The following RAB10 variants were observed in gnomAD, a reference collection of about 807,000 sequenced individuals.
RAB10 encodes the protein ras-related protein Rab-10.
In RAB10, 5 loss-of-function variants were observed where a neutral mutation model predicts 25.7. The ratio of observed to expected loss-of-function variants is 0.19; its 90% CI spans 0.10 to 0.41. The LOEUF is 0.41. Among genes scored for constraint, RAB10 ranks in the 10% least tolerant of loss-of-function variants. The pLI, the probability that RAB10 is intolerant of heterozygous loss-of-function variation, is 1.00. For missense variants in RAB10, 103 were observed against 245.8 expected (o/e 0.42, Z 3.89); for synonymous variants, 89 against 86.4 (o/e 1.03, Z -0.16).
Position 26,107,796 on chromosome 2 carries a change from C to CA in RAB10, c.189-1962dup, listed in dbSNP as rs573306485. 8.0e-3 allele frequency among the ~76,000 whole-genome samples: 1,070 copies of CA among 133,280 alleles called. 4 individuals are homozygous for CA. Among genetic ancestry groups the CA allele is most frequent in the Admixed American group, 0.012 (149 of 12,918 alleles). 87.4% of individuals were successfully genotyped at this position (133,280 alleles called of 152,430 possible). A position where few individuals can be genotyped will look rare whatever the true frequency, so the allele number is the denominator to read the frequency against. ...GGGCGGCAAGATCGAAACTCTATCTCAAAAAAAAAACCCCAAAAACAAAAA... is the reference window on the plus strand; with the variant it reads ...GGGCGGCAAGATCGAAACTCTATCTCAAAAAAAAAAACCCCAAAAACAAAAA... On this transcript the variant is annotated intron_variant, in intron 2 of 5. Transcript: ENST00000264710.
At chr2:26,110,852 T>C (rs1305938916) in intron 3 of RAB10, among the ~76,000 whole-genome samples, 6 of 121,708 alleles carry the variant, frequency 4.9e-5, no homozygotes, top group African/African-American at 1.8e-4. Context: ...ATTACAGGTG[T>C]GCACCACCAC....
chr2:26,104,703 C>T (rs908312171), intron 2 of RAB10, among the ~76,000 whole-genome samples: 2 of 150,170 alleles, frequency 1.3e-5, no homozygotes, highest in East Asian at 1.9e-4. Context: ...TATAGTTCAG[C>T]TGTTGGATTT....
At chr2:26,081,347 G>T (rs1193814776) in intron 1 of RAB10, among the ~76,000 whole-genome samples, 2 of 152,120 alleles carry the variant, frequency 1.3e-5, no homozygotes, top group Non-Finnish European at 2.9e-5. Flanking sequence ...CTTCATATCT[G>T]TGATGTTCTG....
At chr2:26,050,866 C>T (rs1338165963) in intron 1 of RAB10, among the ~76,000 whole-genome samples, 2 of 152,048 alleles carry the variant, frequency 1.3e-5, no homozygotes, top group Admixed American at 1.3e-4. Context: ...TTCAGCCTCC[C>T]AAAGTGCTGA....
intron 1 of RAB10, among the ~76,000 whole-genome samples, chr2:26,043,636 A>G (rs1358633714): frequency 6.6e-6 from 1 of 152,232 alleles, no homozygotes; most frequent in East Asian, 1.9e-4. Flanking sequence ...CGCCTTGAAA[A>G]TAGTTTACTA....
chr2:26,116,540 T>C (rs1667690563), intron 3 of RAB10, among the ~76,000 whole-genome samples: 1 of 143,648 alleles, frequency 7.0e-6, no homozygotes, highest in Non-Finnish European at 1.5e-5. Context: ...TCTTTCTTTC[T>C]GTCTTGTGTT....
chr2:26,054,081 T>C (rs532215981), intron 1 of RAB10, among the ~76,000 whole-genome samples: 5 of 141,936 alleles, frequency 3.5e-5, no homozygotes, highest in African/African-American at 1.1e-4. Flanking sequence ...GGAGTCTTGC[T>C]CTGTCGCCCA....
chr2:26,130,237 A>G (rs1327427241), intron 5 of RAB10, among the ~76,000 whole-genome samples: 1 of 152,204 alleles, frequency 6.6e-6, no homozygotes, highest in Non-Finnish European at 1.5e-5. Flanking sequence ...ATAAATCTAT[A>G]TTATTTATTG....
intron 1 of RAB10, among the ~76,000 whole-genome samples, chr2:26,066,536 G>T (rs1194716688): frequency 1.3e-5 from 2 of 152,148 alleles, no homozygotes; most frequent in Admixed American, 1.3e-4. Context: ...TGGCTGGGGA[G>T]GCCTCAGGAA....
intron 1 of RAB10, among the ~76,000 whole-genome samples, chr2:26,041,941 GT>G (rs1474601615): frequency 6.6e-6 from 1 of 152,042 alleles, no homozygotes; most frequent in Non-Finnish European, 1.5e-5. Flanking sequence ...TTGAAAGGTT[GT>G]TTGAAAAATA....
At chr2:26,102,553 C>T (rs1180071415) in intron 2 of RAB10, among the ~76,000 whole-genome samples, 2 of 151,898 alleles carry the variant, frequency 1.3e-5, no homozygotes, top group African/African-American at 4.8e-5. Context: ...ATTCTCCTGC[C>T]TCAGCCTCCT....
chr2:26,111,331 G>C (rs1004465059), intron 3 of RAB10, among the ~76,000 whole-genome samples: 1 of 152,050 alleles, frequency 6.6e-6, no homozygotes, highest in African/African-American at 2.4e-5. Flanking sequence ...TTGGCTGGGC[G>C]CGGTGGCTCA....
intron 1 of RAB10, among the ~76,000 whole-genome samples, chr2:26,052,138 G>A (rs1666152389): frequency 6.6e-6 from 1 of 152,030 alleles, no homozygotes; most frequent in Non-Finnish European, 1.5e-5. Context: ...AGCACTTTGG[G>A]AGGCTGAGAC....
chr2:26,136,588 C>T lies in RAB10; in HGVS notation c.*1567C>T, dbSNP rs537002785. 1.8e-4 allele frequency: 27 copies of T among 152,704 alleles called. No individual in the cohort carries two copies. Among genetic ancestry groups the T allele is most frequent in the Admixed American group, 7.9e-4 (12 of 15,286 alleles). The allele number at this position is 152,704 out of a possible 1,614,324, so 9.5% of individuals were successfully genotyped here. ...GATAGGGTAAGTGAAGTTTGCTATG[C>T]TGCTAGCATCCTAAGATGATACCTT... On this transcript the variant is annotated 3_prime_UTR_variant, in exon 6 of 6. Transcript: ENST00000264710.
chr2:26,058,797 G>T (rs1397522334), intron 1 of RAB10, among the ~76,000 whole-genome samples: 1 of 152,154 alleles, frequency 6.6e-6, no homozygotes, highest in African/African-American at 2.4e-5. Flanking sequence ...TGTCAGTGAA[G>T]TCTTCCCTTT....
At chr2:26,094,933 TACTC>T (rs1487254118) in intron 1 of RAB10, among the ~76,000 whole-genome samples, 1 of 152,242 alleles carries the variant, frequency 6.6e-6, no homozygotes, top group Non-Finnish European at 1.5e-5. Context: ...TTTGTTAACT[TACTC>T]AAAATGGGTA....
chr2:26,074,458 G>A (rs751131451), intron 1 of RAB10, among the ~76,000 whole-genome samples: 2 of 151,726 alleles, frequency 1.3e-5, no homozygotes, highest in Non-Finnish European at 1.5e-5. Context: ...CACTCTTGTC[G>A]CTCAGGCTGG....
intron 1 of RAB10, among the ~76,000 whole-genome samples, chr2:26,056,379 A>G (rs1666266619): frequency 6.6e-6 from 1 of 151,294 alleles, no homozygotes; most frequent in South Asian, 2.1e-4. Context: ...TTGTATTTTT[A>G]GTAGATAGTG....
At chr2:26,067,185 A>G (rs2384321) in intron 1 of RAB10, among the ~76,000 whole-genome samples, 127,199 of 152,170 alleles carry the variant, frequency 0.84, 53,606 homozygotes, top group African/African-American at 0.95. Context: ...CCAAAGTGCT[A>G]GGTTTACAAG....
Sources: allele counts gnomAD v4.1 joint callset (sites outside exome capture counted in the v4.1 genomes callset), GRCh38; gene constraint gnomAD v4.1.1; transcripts MANE v1.5; gene names NCBI Gene and HGNC (gene_info 2026-07-23, HGNC 2026-07-21).